SLC35F4: variants seen among roughly 807,000 people sequenced by gnomAD.
The protein encoded by SLC35F4 is solute carrier family 35 member F4.
In SLC35F4, 24 loss-of-function variants were observed where a neutral mutation model predicts 44.2. That is an observed-to-expected ratio of 0.54 (90% confidence interval 0.39 to 0.76). SLC35F4 has a LOEUF of 0.76. Ranked by LOEUF, SLC35F4 falls within the 30% of genes least tolerant of loss-of-function variation. SLC35F4 has a pLI of 0.00. For missense variants in SLC35F4, 562 were observed against 586.1 expected, an observed-to-expected ratio of 0.96 and a Z score of 0.42; for synonymous variants, 238 against 223.6, an observed-to-expected ratio of 1.06 and a Z score of -0.57.
chr14:57,962,978 GA>G (rs1295819589), intron 1 of SLC35F4, among the ~76,000 whole-genome samples: 1 of 151,778 alleles, frequency 6.6e-6, no homozygotes, highest in South Asian at 2.1e-4. Flanking sequence ...GGGGAAAAAA[GA>G]AAAAAAATAC....
intron 1 of SLC35F4, among the ~76,000 whole-genome samples, chr14:57,791,878 A>G (rs917875439): frequency 6.7e-6 from 1 of 149,700 alleles, no homozygotes; most frequent in African/African-American, 2.5e-5. Flanking sequence ...AAAACTAAAC[A>G]CCACATGTTC....
chr14:57,671,845 T>G (rs2074533068), intron 1 of SLC35F4, among the ~76,000 whole-genome samples: 1 of 152,132 alleles, frequency 6.6e-6, no homozygotes, highest in South Asian at 2.1e-4. Context: ...GTCAAGCCCA[T>G]TATAGTTGAC....
intron 1 of SLC35F4, among the ~76,000 whole-genome samples, chr14:57,646,934 G>T (rs540310305): frequency 6.6e-6 from 1 of 152,324 alleles, no homozygotes; most frequent in Admixed American, 6.5e-5. Flanking sequence ...GAGCGGTTTT[G>T]AGTGAGTTTC....
chr14:57,751,685 T>C (rs2076887104), intron 1 of SLC35F4, among the ~76,000 whole-genome samples: 1 of 152,196 alleles, frequency 6.6e-6, no homozygotes, highest in African/African-American at 2.4e-5. Flanking sequence ...GAAAGCAAGC[T>C]AAACTACATT....
chr14:57,718,340 CTTTCT>C (rs56131674), intron 1 of SLC35F4, among the ~76,000 whole-genome samples: 72,951 of 151,354 alleles, frequency 0.48, 17,984 homozygotes, highest in Non-Finnish European at 0.54. Flanking sequence ...TACTGATTTC[CTTTCT>C]TTTGAGTATT....
chr14:57,823,483 G>C (rs10142225), intron 1 of SLC35F4, among the ~76,000 whole-genome samples: 2 of 152,092 alleles, frequency 1.3e-5, no homozygotes, highest in Non-Finnish European at 2.9e-5. Context: ...ACGCTCCAGG[G>C]GAGTGGCATA....
At chr14:57,672,232 A>T (rs1321630582) in intron 1 of SLC35F4, among the ~76,000 whole-genome samples, 4 of 152,028 alleles carry the variant, frequency 2.6e-5, no homozygotes, top group Non-Finnish European at 5.9e-5. Context: ...CACCCCTTGT[A>T]TCACCTTGCA....
At chr14:57,642,600 T>G (rs2073303280) in intron 1 of SLC35F4, among the ~76,000 whole-genome samples, 1 of 151,944 alleles carries the variant, frequency 6.6e-6, no homozygotes, top group Non-Finnish European at 1.5e-5. Flanking sequence ...ACTGTTTACT[T>G]TTTTTGATGT....
intron 1 of SLC35F4, among the ~76,000 whole-genome samples, chr14:57,803,891 G>A (rs1332955381): frequency 6.6e-6 from 1 of 151,858 alleles, no homozygotes; most frequent in Non-Finnish European, 1.5e-5. Context: ...AGTCCCAAAA[G>A]CTTCTTAAGC....
chr14:57,795,206 T>C (rs2078025695), intron 1 of SLC35F4, among the ~76,000 whole-genome samples: 1 of 152,162 alleles, frequency 6.6e-6, no homozygotes, highest in Non-Finnish European at 1.5e-5. Flanking sequence ...AGTTTGTATA[T>C]ACAGACAAAG....
At chr14:57,684,260 G>A (rs17093547) in intron 1 of SLC35F4, among the ~76,000 whole-genome samples, 22,468 of 151,964 alleles carry the variant, frequency 0.15, 1,896 homozygotes, top group East Asian at 0.29. Context: ...GGCCTCTCTA[G>A]ACCACAAATG....
chr14:57,868,612 A>G (rs532174476), upstream of SLC35F4, among the ~76,000 whole-genome samples: 1 of 151,898 alleles, frequency 6.6e-6, no homozygotes, highest in South Asian at 2.1e-4. Context: ...AGTAATTAGG[A>G]CTACAGGCAC....
intron 1 of SLC35F4, among the ~76,000 whole-genome samples, chr14:57,746,532 A>G (rs1566817832): frequency 6.6e-6 from 1 of 152,140 alleles, no homozygotes; most frequent in Admixed American, 6.5e-5. Context: ...CTTTTTATAC[A>G]TTGCTGTATT....
intron 1 of SLC35F4, among the ~76,000 whole-genome samples, chr14:57,734,253 G>A (rs1376695211): frequency 1.3e-5 from 2 of 152,114 alleles, no homozygotes; most frequent in Non-Finnish European, 2.9e-5. Context: ...TGGTAGTTGT[G>A]CATTCTTTCT....
intron 1 of SLC35F4, among the ~76,000 whole-genome samples, chr14:57,890,801 T>C (rs1019009560): frequency 5.3e-5 from 8 of 152,192 alleles, no homozygotes; most frequent in South Asian, 4.1e-4. Context: ...GGACCCATAA[T>C]TGAATGTCTG....
At chr14:57,924,078 A>T (rs1006206623) in intron 1 of SLC35F4, among the ~76,000 whole-genome samples, 3 of 152,190 alleles carry the variant, frequency 2.0e-5, no homozygotes, top group Admixed American at 6.5e-5. Flanking sequence ...GCTGCCATCC[A>T]TGTAAGATGT....
intron 1 of SLC35F4, among the ~76,000 whole-genome samples, chr14:57,665,534 T>C (rs189195216): frequency 1.4e-4 from 21 of 152,298 alleles, no homozygotes; most frequent in South Asian, 6.2e-4. Context: ...GTATTCAAGA[T>C]TGATTTCGCT....
At chr14:57,684,112 C>A (rs1216300099) in intron 1 of SLC35F4, among the ~76,000 whole-genome samples, 1 of 152,112 alleles carries the variant, frequency 6.6e-6, no homozygotes, top group Non-Finnish European at 1.5e-5. Flanking sequence ...TATTCTCTGC[C>A]TTCTAGGGGA....
At chr14:57,725,625 A>T (rs532262358) in intron 1 of SLC35F4, among the ~76,000 whole-genome samples, 63 of 152,320 alleles carry the variant, frequency 4.1e-4, no homozygotes, top group Middle Eastern at 6.8e-3. Context: ...TCCTCATGGA[A>T]CTCACTGGTC....
Sources: gnomAD v4.1 joint callset for allele counts (sites outside exome capture counted in the v4.1 genomes callset) on GRCh38, gnomAD v4.1.1 for gene constraint, MANE v1.5 for transcripts, NCBI Gene and HGNC (gene_info 2026-07-23, HGNC 2026-07-21) for gene names.